STARD9: variants seen among roughly 807,000 people sequenced by gnomAD.
STARD9 encodes StAR related lipid transfer domain containing 9, also known as stAR-related lipid transfer protein 9.
STARD9 carries 346 observed loss-of-function variants against 399.8 expected under a neutral mutation model. The ratio of observed to expected loss-of-function variants is 0.87; its 90% CI spans 0.79 to 0.95. STARD9 has a LOEUF of 0.95. Among genes scored for constraint, STARD9 ranks in the 40% least tolerant of loss-of-function variants. The pLI is 0.00. For missense variants in STARD9, 5,832 were observed against 5,667.5 expected, an observed-to-expected ratio of 1.03 and a Z score of -0.93; for synonymous variants, 2,203 against 2,143.5, an observed-to-expected ratio of 1.03 and a Z score of -0.77.
chr15:42,649,768 C>T (rs2059719786), intron 7 of STARD9, among the ~76,000 whole-genome samples: 1 of 151,374 alleles, frequency 6.6e-6, no homozygotes, highest in Non-Finnish European at 1.5e-5. Context: ...ACCATCTTGG[C>T]CAGGCTGGTC....
At chr15:42,718,269 G>A in intron 30 of STARD9, 90 bp downstream of exon 30, 2 of 1,345,454 alleles carry the variant, frequency 1.5e-6, no homozygotes, top group Non-Finnish European at 2.1e-6. Flanking sequence ...AGGGTTGGAG[G>A]CAGCCCTCTT....
At chr15:42,595,526 G>C (rs1486415212) in intron 3 of STARD9, among the ~76,000 whole-genome samples, 1 of 152,142 alleles carries the variant, frequency 6.6e-6, no homozygotes, top group African/African-American at 2.4e-5. Context: ...CTGCCTTCTT[G>C]AATTTTGCTG....
At chr15:42,627,113 T>C (rs1213818548) in intron 3 of STARD9, among the ~76,000 whole-genome samples, 1 of 152,018 alleles carries the variant, frequency 6.6e-6, no homozygotes, top group East Asian at 1.9e-4. Context: ...CTGGGTAACA[T>C]GGCAAAACTC....
At chr15:42,609,986 G>T (rs56278073) in intron 3 of STARD9, among the ~76,000 whole-genome samples, 7 of 151,982 alleles carry the variant, frequency 4.6e-5, no homozygotes, top group East Asian at 1.9e-4. Flanking sequence ...CCAGCTACTC[G>T]CGAGGCTGAG....
rs916455116 is a variant in STARD9 at position 42,684,335 on chromosome 15, C to A, written c.2757C>A (p.Asp919Glu). Residue 919 changes from aspartate to glutamate, a missense_variant, in exon 23 of 33, where the codon GAC (aspartate) becomes GAA (glutamate). Physicochemically the swap from Asp to Glu is conservative, Grantham distance 45 (BLOSUM62 2). Coordinates refer to ENST00000290607, the MANE Select transcript of STARD9 (RefSeq NM_020759.3). ...ALARKGASAP[D>E]ACLTMSPNSV... ...CCAGGAAGGGAGCCTCAGCTCCAGA[C>A]GCTTGCCTCACCATGAGTCCCAACT... The A allele has an allele frequency of 1.3e-6, 2 of 1,536,370 alleles. No homozygotes were observed. The highest frequency in any genetic ancestry group is 1.7e-6 in the Non-Finnish European group (2 of 1,146,360).
rs992225509 is a variant in STARD9, at chr15:42,627,168, T to A, written c.235-7688T>A. On this transcript the variant is annotated intron_variant, in intron 3 of 32. Transcript: ENST00000290607. ...AAAATTAGCTGGGCATGGGGACATG[T>A]GCCTGTAGTCCCAGCTACTTGGGAG... 1.5e-4 allele frequency among the ~76,000 whole-genome samples: 23 copies of A among 152,198 alleles called. 1 individual carries two copies. The highest frequency in any genetic ancestry group is 7.4e-5 in the Non-Finnish European group (5 of 67,998).
chr15:42,714,623 T>G (rs1030352558), intron 26 of STARD9, among the ~76,000 whole-genome samples: 5 of 152,184 alleles, frequency 3.3e-5, no homozygotes, highest in Non-Finnish European at 5.9e-5. Flanking sequence ...GTTGAGAATT[T>G]CTTAAACCAT....
At chr15:42,681,972 AC>A in intron 21 of STARD9, 131 bp from the exon 22 acceptor site, 1 of 659,050 alleles carries the variant, frequency 1.5e-6, no homozygotes, top group South Asian at 1.9e-5. Context: ...TGCAGCCCTC[AC>A]CCTGCCACAT....
In STARD9 at chr15:42,684,442, C is replaced by A; in HGVS notation, c.2864C>A (p.Ser955Ter). Residue 955 changes from serine to a stop codon, truncating the protein, a stop_gained, in exon 23 of 33, where the codon TCA becomes TAA. Transcript: ENST00000290607. LOFTEE classifies it high-confidence loss of function. ...VSQGLASLRK[S>*]ANKLKPRHEP... ...CAGGGCTTAGCATCTCTGAGGAAAT[C>A]AGCTAACAAACTAAAGCCAAGGCAT... 1 of 1,537,250 alleles carries A rather than the reference C, an allele frequency of 6.5e-7. No individual in the cohort carries two copies. The highest frequency in any genetic ancestry group is 2.4e-5 in the East Asian group (1 of 40,908).
intron 26 of STARD9, among the ~76,000 whole-genome samples, chr15:42,710,588 C>T (rs955635362): frequency 7.2e-5 from 11 of 152,140 alleles, no homozygotes; most frequent in Non-Finnish European, 1.3e-4. Flanking sequence ...ATATATGATC[C>T]TTTTTGATGG....
At position 42,632,267 on chromosome 15, in the gene STARD9, G is replaced by T. The variant is rs563630307; in HGVS notation, c.235-2589G>T. ...ACACATGTAGCTACTTCTCTTTTTTGGTTTCCATTTGCATGGGTTATCTTT... is the reference window on the plus strand; with the variant it reads ...ACACATGTAGCTACTTCTCTTTTTTTGTTTCCATTTGCATGGGTTATCTTT... On this transcript the variant is annotated intron_variant, in intron 3 of 32. Coordinates refer to ENST00000290607, the MANE Select transcript of STARD9 (RefSeq NM_020759.3). Among the ~76,000 whole-genome samples, 122 of 151,686 alleles carry T rather than the reference G, an allele frequency of 8.0e-4. 3 individuals are homozygous for T. In the South Asian group the frequency reaches 0.013, roughly 16 times the overall value.
At chr15:42,657,315 G>A (rs937102064) in intron 9 of STARD9, among the ~76,000 whole-genome samples, 4 of 147,710 alleles carry the variant, frequency 2.7e-5, no homozygotes, top group Admixed American at 1.4e-4. Flanking sequence ...AGCTGAGATC[G>A]TACCATCACA....
intron 26 of STARD9, among the ~76,000 whole-genome samples, chr15:42,706,161 G>T (rs377364584): frequency 6.6e-6 from 1 of 152,176 alleles, no homozygotes; most frequent in African/African-American, 2.4e-5. Flanking sequence ...GAGAAACCAC[G>T]TCTTATGCTA....
At chr15:42,680,352 C>G (rs2060402109) in intron 20 of STARD9, among the ~76,000 whole-genome samples, 1 of 152,128 alleles carries the variant, frequency 6.6e-6, no homozygotes, top group Admixed American at 6.5e-5. Flanking sequence ...GTAGTCCTAG[C>G]ACTTTGGGAG....
intron 3 of STARD9, among the ~76,000 whole-genome samples, chr15:42,623,355 C>G (rs2059130082): frequency 6.6e-6 from 1 of 152,050 alleles, no homozygotes; most frequent in South Asian, 2.1e-4. Flanking sequence ...ATATTTATGT[C>G]TCCTCTTTAT....
intron 28 of STARD9, 82 bp downstream of exon 28, chr15:42,717,130 A>ACCTCT: frequency 6.8e-7 from 1 of 1,476,028 alleles, no homozygotes; most frequent in Non-Finnish European, 9.1e-7. Context: ...GTAGGAAAAA[A>ACCTCT]GCTGGGCAGA....
intron 4 of STARD9, among the ~76,000 whole-genome samples, chr15:42,636,311 G>A (rs894939660): frequency 6.6e-6 from 1 of 151,930 alleles, no homozygotes; most frequent in African/African-American, 2.4e-5. Flanking sequence ...AGCTGGGTGG[G>A]GTGGCTCATT....
At position 42,687,059 on chromosome 15, in the gene STARD9, A is replaced by G. The variant is rs1187876737; in HGVS notation, c.5481A>G (p.Glu1827=). 1.3e-6 allele frequency: 2 copies of G among 1,537,074 alleles called. No homozygotes were observed. Among genetic ancestry groups the G allele is most frequent in the Non-Finnish European group, 8.7e-7 (1 of 1,146,794 alleles). Residue 1827 remains glutamate (E), a synonymous_variant, in exon 23 of 33, where the codon GAA becomes GAG. Coordinates refer to ENST00000290607, the MANE Select transcript of STARD9 (RefSeq NM_020759.3). ...AEIPVDLNTR[E]VIRESGKCPG... is the part of the protein sequence containing the mutation. ...TACCAGTTGATCTGAATACCAGGGA[A>G]GTCATCAGAGAATCAGGTAAATGCC...
At chr15:42,606,111 A>G (rs2141779169) in intron 3 of STARD9, among the ~76,000 whole-genome samples, 1 of 152,312 alleles carries the variant, frequency 6.6e-6, no homozygotes, top group Admixed American at 6.5e-5. Context: ...GCACTTTTTG[A>G]GAACCTACAG....
Sources: gnomAD v4.1 joint callset for allele counts (sites outside exome capture counted in the v4.1 genomes callset) on GRCh38, gnomAD v4.1.1 for gene constraint, MANE v1.5 for transcripts, NCBI Gene and HGNC (gene_info 2026-07-23, HGNC 2026-07-21) for gene names.